Variants in GALNT13 observed in about 807,000 individuals in gnomAD.
The protein encoded by GALNT13 is polypeptide N-acetylgalactosaminyltransferase 13.
GALNT13 carries 28 observed loss-of-function variants against 64.2 expected under a neutral mutation model. The observed-to-expected ratio is 0.44, with a 90% CI of 0.32 to 0.60. The LOEUF is 0.60. Ranked by LOEUF, GALNT13 falls within the 20% of genes least tolerant of loss-of-function variation. The pLI is 0.05. For synonymous variants in GALNT13, 214 were observed against 224.6 expected, an observed-to-expected ratio of 0.95 and a Z score of 0.42; for missense variants, 577 against 669.8, an observed-to-expected ratio of 0.86 and a Z score of 1.53.
At chr2:153,682,079 A>G in the GALNT13 span, among the ~76,000 whole-genome samples, 1 of 151,738 alleles carries the variant, frequency 6.6e-6, no homozygotes, top group Admixed American at 6.6e-5. Flanking sequence ...TATACTGTAC[A>G]CTACTATGCA....
At chr2:154,272,813 T>A (rs1559060930) in intron 8 of GALNT13, among the ~76,000 whole-genome samples, 1 of 152,166 alleles carries the variant, frequency 6.6e-6, no homozygotes, top group Non-Finnish European at 1.5e-5. Flanking sequence ...CTGCCGTGAA[T>A]TGACTTTTAG....
the GALNT13 span, among the ~76,000 whole-genome samples, chr2:153,830,614 T>A: frequency 1.2e-4 from 18 of 152,288 alleles, no homozygotes; most frequent in South Asian, 3.7e-3. Context: ...TCTTTATTTT[T>A]AACTTTCTCT....
chr2:153,807,549 C>G, the GALNT13 span, among the ~76,000 whole-genome samples: 1 of 151,898 alleles, frequency 6.6e-6, no homozygotes, highest in African/African-American at 2.4e-5. Flanking sequence ...AAACTCCCAT[C>G]ATTAGTTTAA....
chr2:154,246,320 T>G (rs1171355228), intron 7 of GALNT13, among the ~76,000 whole-genome samples: 2 of 152,102 alleles, frequency 1.3e-5, no homozygotes, highest in Non-Finnish European at 2.9e-5. Context: ...AAAGTATAGA[T>G]TTATAATAGA....
chr2:153,725,293 C>T, the GALNT13 span, among the ~76,000 whole-genome samples: 2 of 150,804 alleles, frequency 1.3e-5, no homozygotes, highest in South Asian at 2.2e-4. Context: ...ATATCACACT[C>T]TGGGGACTGT....
the GALNT13 span, among the ~76,000 whole-genome samples, chr2:153,366,389 C>T: frequency 6.6e-5 from 10 of 151,268 alleles, no homozygotes; most frequent in South Asian, 2.1e-4. Flanking sequence ...ACATCTATCC[C>T]GGAACTTAAA....
chr2:154,177,148 T>C (rs962360411), intron 4 of GALNT13, among the ~76,000 whole-genome samples: 4 of 152,082 alleles, frequency 2.6e-5, no homozygotes, highest in African/African-American at 9.7e-5. Context: ...AGAATTCTAA[T>C]CTCAAGAAAA....
At chr2:153,523,617 T>G in the GALNT13 span, among the ~76,000 whole-genome samples, 1 of 152,200 alleles carries the variant, frequency 6.6e-6, no homozygotes, top group African/African-American at 2.4e-5. Flanking sequence ...TCCACTTGTT[T>G]ATTGCTGGTA....
the GALNT13 span, among the ~76,000 whole-genome samples, chr2:153,536,510 T>C: frequency 8.2e-4 from 125 of 152,314 alleles, no homozygotes; most frequent in African/African-American, 2.9e-3. Context: ...GATGAAGTGA[T>C]GACTTGTAAG....
At chr2:153,800,524 T>A in the GALNT13 span, among the ~76,000 whole-genome samples, 1 of 152,212 alleles carries the variant, frequency 6.6e-6, no homozygotes, top group Non-Finnish European at 1.5e-5. Context: ...AGATGCTGTT[T>A]GATAGCATTT....
the GALNT13 span, among the ~76,000 whole-genome samples, chr2:153,155,934 C>A: frequency 1.3e-5 from 2 of 152,154 alleles, no homozygotes; most frequent in African/African-American, 2.4e-5. Flanking sequence ...TATGTTGTCT[C>A]TTTGTTCTCA....
the GALNT13 span, among the ~76,000 whole-genome samples, chr2:153,631,220 T>C: frequency 6.6e-6 from 1 of 152,168 alleles, no homozygotes; most frequent in Non-Finnish European, 1.5e-5. Context: ...TTGTTGGACA[T>C]TTGTGTTGGT....
At chr2:153,269,558 A>G in the GALNT13 span, among the ~76,000 whole-genome samples, 1 of 151,988 alleles carries the variant, frequency 6.6e-6, no homozygotes, top group African/African-American at 2.4e-5. Context: ...GAGCCCTCCA[A>G]TCTGTTTCAA....
the GALNT13 span, among the ~76,000 whole-genome samples, chr2:153,391,256 T>G: frequency 6.6e-6 from 1 of 152,010 alleles, no homozygotes; most frequent in African/African-American, 2.4e-5. Context: ...ACTGCTCTCT[T>G]GAGAATTGGC....
At chr2:154,178,618 G>T (rs942737620) in intron 4 of GALNT13, among the ~76,000 whole-genome samples, 2 of 152,068 alleles carry the variant, frequency 1.3e-5, no homozygotes, top group Admixed American at 1.3e-4. Context: ...ACACGGAGTT[G>T]GTCACAAAGT....
At chr2:153,694,145 G>A in the GALNT13 span, among the ~76,000 whole-genome samples, 3 of 152,068 alleles carry the variant, frequency 2.0e-5, no homozygotes, top group African/African-American at 7.2e-5. Flanking sequence ...TGAAATTACT[G>A]CTATCTGTTT....
the GALNT13 span, among the ~76,000 whole-genome samples, chr2:153,323,796 T>G: frequency 2.6e-5 from 4 of 152,312 alleles, no homozygotes; most frequent in Admixed American, 2.6e-4. Context: ...ATCAGATGGT[T>G]GTAGATGTGT....
the GALNT13 span, among the ~76,000 whole-genome samples, chr2:153,387,335 T>TA: frequency 3.3e-5 from 5 of 152,082 alleles, no homozygotes; most frequent in African/African-American, 1.2e-4. Flanking sequence ...AATACCCACA[T>TA]ACAAACACAC....
At chr2:153,907,965 C>CT (rs750404050) in intron 2 of GALNT13, among the ~76,000 whole-genome samples, 1 of 151,946 alleles carries the variant, frequency 6.6e-6, no homozygotes, top group Non-Finnish European at 1.5e-5. Flanking sequence ...TTGTTTTTAA[C>CT]TCTTTGAGGA....
Sources: allele counts gnomAD v4.1 joint callset (sites outside exome capture counted in the v4.1 genomes callset), GRCh38; gene constraint gnomAD v4.1.1; transcripts MANE v1.5; gene names NCBI Gene and HGNC (gene_info 2026-07-23, HGNC 2026-07-21).